The following SPOCK1 variants were observed in gnomAD, a reference collection of about 807,000 sequenced individuals.
SPOCK1 encodes the protein testican-1.
SPOCK1 carries 23 observed loss-of-function variants against 55.3 expected under a neutral mutation model. That is an observed-to-expected ratio of 0.42 (90% confidence interval 0.30 to 0.59). The LOEUF (loss-of-function observed/expected upper bound fraction) is 0.59. Ranked by LOEUF, SPOCK1 falls within the 20% of genes least tolerant of loss-of-function variation. The probability of loss-of-function intolerance (pLI) is 0.22; values close to 1 mark genes in which losing one functional copy is unlikely to be tolerated. For synonymous variants in SPOCK1, 226 were observed against 221.0 expected (o/e 1.02, Z -0.20); for missense variants, 499 against 552.5 (o/e 0.90, Z 0.97).
At chr5:137,206,107 C>T (rs1755517546) in intron 3 of SPOCK1, among the ~76,000 whole-genome samples, 1 of 152,230 alleles carries the variant, frequency 6.6e-6, no homozygotes. Context: ...TCATTCTTTA[C>T]AATTCCTCTA....
At chr5:137,174,481 C>A (rs58238035) in intron 3 of SPOCK1, among the ~76,000 whole-genome samples, 6,542 of 152,302 alleles carry the variant, frequency 0.043, 474 homozygotes, top group African/African-American at 0.15. Context: ...GCTCCACAAC[C>A]AAATCTGTTG....
intron 2 of SPOCK1, among the ~76,000 whole-genome samples, chr5:137,344,673 T>C (rs1183118215): frequency 6.6e-6 from 1 of 152,216 alleles, no homozygotes; most frequent in Admixed American, 6.5e-5. Context: ...AAGCCAATAC[T>C]ACCAAGGTTG....
intron 2 of SPOCK1, among the ~76,000 whole-genome samples, chr5:137,284,861 G>A (rs1329721095): frequency 1.3e-5 from 2 of 152,146 alleles, no homozygotes; most frequent in African/African-American, 4.8e-5. Context: ...CAAGATGAGG[G>A]AACAGCTGGT....
At chr5:137,150,533 A>G (rs566957476) in intron 3 of SPOCK1, among the ~76,000 whole-genome samples, 2 of 152,264 alleles carry the variant, frequency 1.3e-5, no homozygotes, top group South Asian at 4.1e-4. Context: ...CCCACATTCA[A>G]GCACTGTTGG....
At chr5:137,119,662 G>A (rs888558080) in intron 4 of SPOCK1, among the ~76,000 whole-genome samples, 1 of 152,254 alleles carries the variant, frequency 6.6e-6, no homozygotes, top group Non-Finnish European at 1.5e-5. Flanking sequence ...TGACTCCTGT[G>A]TGCCTGAGGG....
intron 6 of SPOCK1, among the ~76,000 whole-genome samples, chr5:137,051,549 C>T (rs1561591545): frequency 6.6e-6 from 1 of 152,024 alleles, no homozygotes; most frequent in Non-Finnish European, 1.5e-5. Context: ...AAATTCTAAA[C>T]AAAAAGAATG....
intron 5 of SPOCK1, among the ~76,000 whole-genome samples, chr5:137,077,707 C>G (rs902918872): frequency 1.4e-4 from 22 of 152,192 alleles, no homozygotes; most frequent in African/African-American, 5.1e-4. Context: ...GTGTGATCAT[C>G]AGAGCTCTCC....
chr5:137,460,189 G>C (rs1475368341), intron 2 of SPOCK1, among the ~76,000 whole-genome samples: 1 of 152,184 alleles, frequency 6.6e-6, no homozygotes, highest in Non-Finnish European at 1.5e-5. Flanking sequence ...CAGGCAGTGG[G>C]ATGGTCAGAG....
At chr5:137,309,181 A>G (rs757668737) in intron 2 of SPOCK1, among the ~76,000 whole-genome samples, 1 of 152,366 alleles carries the variant, frequency 6.6e-6, no homozygotes. Context: ...TGCATACATC[A>G]TTGCCATCTT....
intron 6 of SPOCK1, among the ~76,000 whole-genome samples, chr5:137,051,833 C>T (rs1458949980): frequency 6.6e-6 from 1 of 152,144 alleles, no homozygotes; most frequent in Non-Finnish European, 1.5e-5. Context: ...AGTAAGAAAT[C>T]AAAATGTGTA....
At chr5:137,435,025 A>G (rs1394972588) in intron 2 of SPOCK1, among the ~76,000 whole-genome samples, 1 of 152,206 alleles carries the variant, frequency 6.6e-6, no homozygotes, top group Non-Finnish European at 1.5e-5. Flanking sequence ...CACAATTAAC[A>G]TTTTGCACTT....
intron 2 of SPOCK1, among the ~76,000 whole-genome samples, chr5:137,329,257 G>A (rs1318507849): frequency 6.6e-6 from 1 of 152,052 alleles, no homozygotes; most frequent in African/African-American, 2.4e-5. Flanking sequence ...TTTGGGCCTT[G>A]AGCCTACCAA....
At chr5:137,175,458 C>G (rs1051272517) in intron 3 of SPOCK1, among the ~76,000 whole-genome samples, 10 of 152,180 alleles carry the variant, frequency 6.6e-5, no homozygotes, top group African/African-American at 2.4e-4. Flanking sequence ...GGGAATGGTA[C>G]AGTAGGAGAC....
intron 3 of SPOCK1, among the ~76,000 whole-genome samples, chr5:137,245,788 A>AC (rs1554072140): frequency 2.5e-3 from 242 of 96,090 alleles, no homozygotes; most frequent in African/African-American, 1.0e-2. Context: ...AAAAAAAAAC[A>AC]AAAAAAAAAA....
intron 5 of SPOCK1, among the ~76,000 whole-genome samples, chr5:137,102,968 A>G (rs1331250618): frequency 1.3e-5 from 2 of 151,702 alleles, no homozygotes. Flanking sequence ...CCCAATATCT[A>G]CTCTGCTTTT....
intron 2 of SPOCK1, among the ~76,000 whole-genome samples, chr5:137,285,006 A>G (rs1394117200): frequency 1.3e-5 from 2 of 152,204 alleles, no homozygotes; most frequent in Non-Finnish European, 2.9e-5. Flanking sequence ...CCAGTTCTCA[A>G]TGTATGGAGA....
chr5:137,359,870 T>C (rs999646477), intron 2 of SPOCK1, among the ~76,000 whole-genome samples: 1 of 152,196 alleles, frequency 6.6e-6, no homozygotes, highest in Admixed American at 6.5e-5. Flanking sequence ...GGGTTACCTA[T>C]CCACTGCTGG....
Position 137,355,225 on chromosome 5 carries a change from T to C in SPOCK1, c.187-88170A>G, listed in dbSNP as rs115104150. Reference sequence around the variant, plus strand: ...CTGTTTTTAAGAGTTTTGGTCTCACTCTTGTCATCCAGGCTGAAGTGCAGT... The same window carrying C: ...CTGTTTTTAAGAGTTTTGGTCTCACCCTTGTCATCCAGGCTGAAGTGCAGT... On this transcript the variant is annotated intron_variant, in intron 2 of 10. Coordinates refer to ENST00000394945, the MANE Select transcript of SPOCK1 (RefSeq NM_004598.4). Among the ~76,000 whole-genome samples, 735 of 147,798 alleles carry C rather than the reference T, an allele frequency of 5.0e-3. 11 individuals are homozygous for C. The highest frequency in any genetic ancestry group is 0.018 in the African/African-American group (708 of 39,724).
chr5:137,337,224 C>T (rs761135052), intron 2 of SPOCK1, among the ~76,000 whole-genome samples: 4 of 152,160 alleles, frequency 2.6e-5, no homozygotes, highest in Non-Finnish European at 5.9e-5. Context: ...GAGCAGGTAA[C>T]GACCCCATTT....
Sources: allele counts gnomAD v4.1 joint callset (sites outside exome capture counted in the v4.1 genomes callset), GRCh38; gene constraint gnomAD v4.1.1; transcripts MANE v1.5; gene names NCBI Gene and HGNC (gene_info 2026-07-23, HGNC 2026-07-21).